The following RPAIN variants were observed in gnomAD, a reference collection of about 807,000 sequenced individuals.
The protein encoded by RPAIN is RPA interacting protein, also known as RPA-interacting protein.
A neutral mutation model predicts 30.5 loss-of-function variants in RPAIN; 29 were observed. The ratio of observed to expected loss-of-function variants is 0.95; its 90% CI spans 0.71 to 1.30. RPAIN has a LOEUF of 1.30. Among genes scored for constraint, RPAIN ranks in the 50% most tolerant of loss-of-function variants. RPAIN has a pLI of 0.00. For synonymous variants in RPAIN, 101 were observed against 93.5 expected, an observed-to-expected ratio of 1.08 and a Z score of -0.46; for missense variants, 247 against 264.7, an observed-to-expected ratio of 0.93 and a Z score of 0.46.
In RPAIN at chr17:5,424,456, A is replaced by G. The variant is rs144350350; in HGVS notation, c.314-1515A>G. Reference sequence around the variant, plus strand: ...TTAGGCTTCATTTTTATGACCTATAAAATGGAGAGAATACCCTATAAATTT... The same window carrying G: ...TTAGGCTTCATTTTTATGACCTATAGAATGGAGAGAATACCCTATAAATTT... On this transcript the variant is annotated intron_variant, in intron 3 of 6. Coordinates refer to ENST00000381209, the MANE Select transcript of RPAIN (RefSeq NM_001033002.4). Among the ~76,000 whole-genome samples, 145 of 152,280 alleles carry G rather than the reference A, an allele frequency of 9.5e-4. 1 individual carries two copies. The highest frequency in any genetic ancestry group is 3.4e-3 in the African/African-American group (140 of 41,562).
intron 6 of RPAIN, chr17:5,428,866 T>A (rs1915654880): frequency 1.0e-6 from 1 of 986,920 alleles, no homozygotes; most frequent in Non-Finnish European, 1.2e-6. Flanking sequence ...AGCCTTGGGA[T>A]TAGGAGCACA....
Position 5,432,673 on chromosome 17 carries a change from G to C in RPAIN, c.*102G>C. ...TTTTATTTATAACTTATTTTGTATTGAAACTTTTAAACAATACTGAAGAAA... is the reference window on the plus strand; with the variant it reads ...TTTTATTTATAACTTATTTTGTATTCAAACTTTTAAACAATACTGAAGAAA... On this transcript the variant is annotated 3_prime_UTR_variant, in exon 7 of 7. Transcript: ENST00000381209. The C allele has an allele frequency of 8.3e-7, 1 of 1,201,366 alleles. No homozygotes were observed. Among genetic ancestry groups the C allele is most frequent in the East Asian group, 2.3e-5 (1 of 42,638 alleles). The allele number at this position is 1,201,366 out of a possible 1,614,324, so 74.4% of individuals were successfully genotyped here.
Position 5,426,282 on chromosome 17 carries a change from C to G in RPAIN, c.472C>G (p.Leu158Val), listed in dbSNP as rs1041000128. ...TSGVVVCQCG[L>V]SIPSHSSELT... ...CGGTGTGGTGGTGTGTCAGTGTGGC[C>G]TGTCCATCCCATCTCATGTGAGTGT... Residue 158 changes from leucine to valine, a missense_variant, in exon 5 of 7, where the codon CTG becomes GTG. Coordinates refer to ENST00000381209, the MANE Select transcript of RPAIN (RefSeq NM_001033002.4). 1 of 1,613,920 alleles carries G rather than the reference C, an allele frequency of 6.2e-7. No individual in the cohort carries two copies. Among genetic ancestry groups the G allele is most frequent in the African/African-American group, 1.3e-5 (1 of 74,924 alleles).
chr17:5,425,313 G>A (rs8080400), intron 3 of RPAIN: 139,727 of 452,828 alleles, frequency 0.31, 26,218 homozygotes, highest in East Asian at 0.82. Context: ...CAGCAGGGTC[G>A]TCCTGGCATC....
rs761965386 is a variant in RPAIN at position 5,421,403 on chromosome 17, G to C, written c.189G>C (p.Glu63Asp). 1 of 1,614,114 alleles carries C rather than the reference G, an allele frequency of 6.2e-7. No individual in the cohort carries two copies. The highest frequency in any genetic ancestry group is 1.7e-5 in the Admixed American group (1 of 60,024). ...CTCAGAACAGCTTTCTAGTTCAAGA[G>C]GTGATGGAAGAAGAGTGGAATGCTT... ...GNSQNSFLVQ[E>D]VMEEEWNALQ... is the part of the protein sequence containing the mutation. The change falls in exon 2 of 7, where the codon GAG becomes GAC. Residue 63 changes from glutamate to aspartate, a missense_variant. Glu to Asp is a conservative substitution (Grantham distance 45, BLOSUM62 2). Coordinates refer to ENST00000381209, the MANE Select transcript of RPAIN (RefSeq NM_001033002.4).
intron 5 of RPAIN, chr17:5,426,524 C>T: frequency 2.0e-6 from 1 of 508,562 alleles, no homozygotes; most frequent in Non-Finnish European, 3.5e-6. Flanking sequence ...AGAGCCATCA[C>T]CGCTTAACGT....
At position 5,428,080 on chromosome 17, in the gene RPAIN, T is replaced by C; in HGVS notation, c.499T>C (p.Leu167=). 2.5e-6 allele frequency: 4 copies of C among 1,614,144 alleles called. No individual in the cohort carries two copies. Among genetic ancestry groups the C allele is most frequent in the East Asian group, 2.2e-5 (1 of 44,886 alleles). ...GLSIPSHSSE[L]TEQKLRACLE... is the part of the protein sequence containing the mutation. ...CTTTTTTATTTTGTAGTCTTCTGAG[T>C]TGACAGAGCAGAAGCTTCGTGCCTG... Residue 167 remains leucine (L), a synonymous_variant, in exon 6 of 7, where the codon TTG becomes CTG. Coordinates refer to ENST00000381209, the MANE Select transcript of RPAIN (RefSeq NM_001033002.4).
chr17:5,430,105 T>C, intron 6 of RPAIN: 1 of 152,212 alleles, frequency 6.6e-6, no homozygotes, highest in Non-Finnish European at 1.5e-5. Context: ...GAGGCGGAGG[T>C]TGCAGTGAGC....
Position 5,424,147 on chromosome 17 carries a change from C to T in RPAIN, c.313+1318C>T, listed in dbSNP as rs549095631. Among the ~76,000 whole-genome samples, 11 of 151,574 alleles carry T rather than the reference C, an allele frequency of 7.3e-5. No individual in the cohort carries two copies. The East Asian group carries it at 1.4e-3, about 19-fold the overall frequency. On this transcript the variant is annotated intron_variant, in intron 3 of 6. Coordinates refer to ENST00000381209, the MANE Select transcript of RPAIN (RefSeq NM_001033002.4). The stretch of plus-strand genomic sequence containing the variant: ...GGACCGCAAGTGTGCACCACCATAC[C>T]GAGCTAATTTTTTTATTTTTTTGTA...
At chr17:5,426,476 T>C (rs781744785) in intron 5 of RPAIN, 177 bp downstream of exon 5, 1 of 651,744 alleles carries the variant, frequency 1.5e-6, no homozygotes, top group Non-Finnish European at 2.8e-6. Flanking sequence ...GGCATGAAAA[T>C]TGGCAAACAG....
chr17:5,427,920 G>T, intron 5 of RPAIN, 151 bp from the exon 6 acceptor site: 1 of 727,062 alleles, frequency 1.4e-6, no homozygotes, highest in Non-Finnish European at 2.4e-6. Context: ...AAGAGATCTT[G>T]GTACAGTCAT....
At position 5,432,717 on chromosome 17, in the gene RPAIN, C is replaced by G; in HGVS notation, c.*146C>G. 1 of 884,566 alleles carries G rather than the reference C, an allele frequency of 1.1e-6. No individual in the cohort carries two copies. The highest frequency in any genetic ancestry group is 1.7e-6 in the Non-Finnish European group (1 of 582,412). The allele number at this position is 884,566 out of a possible 1,614,324, so 54.8% of individuals were successfully genotyped here. On this transcript the variant is annotated 3_prime_UTR_variant, in exon 7 of 7. Coordinates refer to ENST00000381209, the MANE Select transcript of RPAIN (RefSeq NM_001033002.4). Reference sequence around the variant, plus strand: ...GAAGAAAAAAAAACTTTTCCGACATCTGTTCTTGGTCTTTTGTGACGCAGG... The same window carrying G: ...GAAGAAAAAAAAACTTTTCCGACATGTGTTCTTGGTCTTTTGTGACGCAGG...
intron 5 of RPAIN, chr17:5,427,163 TCTCA>T (rs1448750925): frequency 2.0e-5 from 3 of 151,880 alleles, no homozygotes; most frequent in African/African-American, 7.3e-5. Flanking sequence ...TGAGACAGAG[TCTCA>T]CTCTGTCACC....
chr17:5,431,362 C>T, intron 6 of RPAIN: 1 of 435,168 alleles, frequency 2.3e-6, no homozygotes, highest in Non-Finnish European at 4.5e-6. Context: ...TGGCTCGCAC[C>T]TGTACTCCCA....
At chr17:5,427,966 C>A in intron 5 of RPAIN, 105 bp from the exon 6 acceptor site, 2 of 1,093,096 alleles carry the variant, frequency 1.8e-6, no homozygotes, top group South Asian at 1.3e-5. Flanking sequence ...AGGAGTCAAG[C>A]CATCACAGTG....
chr17:5,422,737 C>T (rs775539742), intron 2 of RPAIN, 32 bp from the exon 3 acceptor site: 9 of 1,607,508 alleles, frequency 5.6e-6, no homozygotes, highest in Non-Finnish European at 6.8e-6. Flanking sequence ...ATTAATACTT[C>T]AAACTTCTGA....
chr17:5,422,076 C>T (rs1321014972), intron 2 of RPAIN, among the ~76,000 whole-genome samples: 12 of 152,254 alleles, frequency 7.9e-5, no homozygotes, highest in Admixed American at 6.5e-4. Flanking sequence ...AGAAACTTTC[C>T]GATTCTAATC....
chr17:5,420,407 T>TTTGAC, intron 1 of RPAIN, 116 bp downstream of exon 1: 1 of 836,094 alleles, frequency 1.2e-6, no homozygotes, highest in Non-Finnish European at 1.9e-6. Context: ...CCTGGTCTGG[T>TTTGAC]CAAACCCAGG....
At position 5,432,585 on chromosome 17, in the gene RPAIN, T is replaced by TGG; in HGVS notation, c.*14_*15insGG. ...GTGATCCTCTAGAGCCAGCTTGGACTCACATCATTCTATGGGGTTGAAGAC... is the reference window on the plus strand; with the variant it reads ...GTGATCCTCTAGAGCCAGCTTGGACTGGCACATCATTCTATGGGGTTGAAGAC... On this transcript the variant is annotated 3_prime_UTR_variant, in exon 7 of 7. Coordinates refer to ENST00000381209, the MANE Select transcript of RPAIN (RefSeq NM_001033002.4). 1 of 1,612,946 alleles carries TGG rather than the reference T, an allele frequency of 6.2e-7. No homozygotes were observed. Among genetic ancestry groups the TGG allele is most frequent in the Non-Finnish European group, 8.5e-7 (1 of 1,178,880 alleles).
Sources: gnomAD v4.1 joint callset for allele counts (sites outside exome capture counted in the v4.1 genomes callset) on GRCh38, gnomAD v4.1.1 for gene constraint, MANE v1.5 for transcripts, NCBI Gene and HGNC (gene_info 2026-07-23, HGNC 2026-07-21) for gene names.